The following ART3 variants were observed in gnomAD, a reference collection of about 807,000 sequenced individuals.
ART3 encodes the protein ecto-ADP-ribosyltransferase 3.
A neutral mutation model predicts 48.5 loss-of-function variants in ART3; 49 were observed. That is an observed-to-expected ratio of 1.01 (90% CI 0.80 to 1.28). The LOEUF (loss-of-function observed/expected upper bound fraction) is 1.28, where lower values mean the gene tolerates loss of function less well. ART3 is among the 50% of genes most tolerant of loss of function. ART3 has a pLI of 0.00. For synonymous variants in ART3, 145 were observed against 157.2 expected, an observed-to-expected ratio of 0.92 and a Z score of 0.58; for missense variants, 438 against 454.3, an observed-to-expected ratio of 0.96 and a Z score of 0.33.
In ART3 at chr4:76,082,206, A is replaced by G. The variant is rs2149557877; in HGVS notation, c.452A>G (p.Lys151Arg). The G allele has an allele frequency of 6.2e-7, 1 of 1,614,190 alleles. No homozygotes were observed. Among genetic ancestry groups the G allele is most frequent in the South Asian group, 1.1e-5 (1 of 91,082 alleles). Residue 151 changes from lysine to arginine, a missense_variant, in exon 3 of 12, where the codon AAA becomes AGA. Lys to Arg is a conservative substitution (Grantham distance 26). Around this residue, in one of 3 missense-constraint regions of ART3, gnomAD observed 206 missense variants for 205.3 expected, o/e 1.00. Coordinates refer to ENST00000355810, the MANE Select transcript of ART3 (RefSeq NM_001130016.3). ...ACAAGAGCCCTGCAGTTGCTGAGAA[A>G]ACCTTGTGAGGCCAGTTCCAAAACT... ...YLTRALQLLR[K>R]PCEASSKTVV...
intron 3 of ART3, among the ~76,000 whole-genome samples, chr4:76,084,719 G>A (rs1160549710): frequency 6.6e-6 from 1 of 152,204 alleles, no homozygotes; most frequent in Non-Finnish European, 1.5e-5. Flanking sequence ...TATGAAAGGT[G>A]GAATGACAGC....
intron 1 of ART3, among the ~76,000 whole-genome samples, chr4:76,033,235 G>A (rs558354186): frequency 8.5e-5 from 13 of 152,164 alleles, no homozygotes; most frequent in Non-Finnish European, 1.6e-4. Flanking sequence ...AGGGAACTAG[G>A]TGATAGGAAG....
At chr4:76,032,693 T>G (rs879489721) in intron 1 of ART3, among the ~76,000 whole-genome samples, 5 of 151,214 alleles carry the variant, frequency 3.3e-5, no homozygotes, top group Non-Finnish European at 5.9e-5. Flanking sequence ...CAAGCGATTC[T>G]CCTGCCTCAG....
At chr4:76,033,726 AT>A (rs1578249341) in intron 1 of ART3, 3 of 152,344 alleles carry the variant, frequency 2.0e-5, no homozygotes, top group East Asian at 1.9e-4. Flanking sequence ...AGAGAAAAAA[AT>A]GACTTTGATT....
chr4:76,089,620 C>T (rs1004783710), intron 3 of ART3, among the ~76,000 whole-genome samples: 20 of 152,240 alleles, frequency 1.3e-4, no homozygotes, highest in African/African-American at 4.8e-4. Context: ...TTATAAATTA[C>T]CCAGTCTCAG....
chr4:76,021,893 C>T lies in ART3; in HGVS notation c.-10+10573C>T, dbSNP rs542690649. The T allele has an allele frequency of 4.4e-6, 7 of 1,599,418 alleles. No homozygotes were observed. The South Asian group carries it at 4.4e-5, about 10-fold the overall frequency. On this transcript the variant is annotated intron_variant, in intron 1 of 9. Coordinates refer to the ART3 transcript ENST00000341029. ...AGAGGCAGCCTCTGTGTGGTCCATC[C>T]TTGGAAGCACTGCATCGATTTTGCT... is the stretch of plus-strand genomic sequence containing the variant.
chr4:76,107,528 T>C (rs1420250368), intron 10 of ART3: 1 of 330,218 alleles, frequency 3.0e-6, no homozygotes, highest in Non-Finnish European at 5.5e-6. Context: ...GTGAATAAAA[T>C]TTTAACTTTT....
rs1239978046 is a variant in ART3, at chr4:76,096,740, T to TA, written c.782-903dup. ...CTAGGGCATCACCAGTGAGAGCATC[T>TA]AGGGCCTTTCAAAAAGTACTGTCAG... is the stretch of plus-strand genomic sequence containing the variant. On this transcript the variant is annotated intron_variant, in intron 3 of 11. Transcript: ENST00000355810. Among the ~76,000 whole-genome samples, 3 of 152,348 alleles carry TA rather than the reference T, an allele frequency of 2.0e-5. No homozygotes were observed. The East Asian group carries it at 5.8e-4, about 29-fold the overall frequency.
exon 12 of ART3, chr4:76,112,785 GATATTTCAGAATTGCCAGTATGCTCA>G (rs1729724451): frequency 3.3e-6 from 1 of 306,406 alleles, no homozygotes; most frequent in Non-Finnish European, 5.9e-6. Flanking sequence ...ATTTTGATTA[GATATTTCAGAATTGCCAGTATGCTCA>G]ATACTGTTAG....
At chr4:76,074,349 G>A (rs1183771751), upstream of ART3, among the ~76,000 whole-genome samples, 1 of 152,226 alleles carries the variant, frequency 6.6e-6, no homozygotes, top group African/African-American at 2.4e-5. Context: ...AGCGAATGGT[G>A]ATAGCTGTCA....
intron 1 of ART3, chr4:76,034,732 G>T: frequency 8.0e-7 from 1 of 1,252,264 alleles, no homozygotes; most frequent in Non-Finnish European, 1.1e-6. Flanking sequence ...AGTAGTCACA[G>T]TTAAACTTGT....
At chr4:76,022,607 T>G in intron 1 of ART3, 2 of 1,447,518 alleles carry the variant, frequency 1.4e-6, no homozygotes, top group Non-Finnish European at 1.8e-6. Context: ...AACCCTTTAC[T>G]GATCTTTTTT....
intron 2 of ART3, 52 bp from the exon 3 acceptor site, chr4:76,081,772 A>G (rs1221608566): frequency 6.5e-7 from 1 of 1,530,176 alleles, no homozygotes; most frequent in Non-Finnish European, 8.9e-7. Context: ...AGAGAAAATG[A>G]TATTCACTGA....
intron 10 of ART3, chr4:76,105,876 TCA>T (rs1204602057): frequency 1.0e-6 from 1 of 985,286 alleles, no homozygotes; most frequent in Non-Finnish European, 1.2e-6. Flanking sequence ...AGAAATAGCA[TCA>T]TCCAAGAACT....
chr4:76,091,580 G>T (rs984088752), intron 3 of ART3, among the ~76,000 whole-genome samples: 1 of 151,280 alleles, frequency 6.6e-6, no homozygotes, highest in Non-Finnish European at 1.5e-5. Context: ...TTTTAATGAG[G>T]TTGTTTTCTT....
chr4:76,041,699 A>G (rs1013951224), intron 1 of ART3, among the ~76,000 whole-genome samples: 2 of 152,222 alleles, frequency 1.3e-5, no homozygotes, highest in Non-Finnish European at 2.9e-5. Flanking sequence ...CTTCAAATTG[A>G]ACTAGCTACA....
chr4:76,073,005 A>G (rs1720479674), upstream of ART3, among the ~76,000 whole-genome samples: 1 of 152,214 alleles, frequency 6.6e-6, no homozygotes, highest in Non-Finnish European at 1.5e-5. Flanking sequence ...TGCTACTTAT[A>G]AACAAAAGCC....
At chr4:76,060,621 T>G (rs1199517833) in intron 1 of ART3, among the ~76,000 whole-genome samples, 2 of 152,058 alleles carry the variant, frequency 1.3e-5, no homozygotes, top group Non-Finnish European at 2.9e-5. Flanking sequence ...ACTTATATTA[T>G]GGACCTCAAA....
chr4:76,053,676 C>T (rs1164469834), intron 1 of ART3, among the ~76,000 whole-genome samples: 2 of 152,166 alleles, frequency 1.3e-5, no homozygotes, highest in African/African-American at 2.4e-5. Context: ...AGGTAAAATT[C>T]AAAGTCGCAT....
Sources: allele counts gnomAD v4.1 joint callset (sites outside exome capture counted in the v4.1 genomes callset), GRCh38; gene constraint gnomAD v4.1.1; regional missense constraint gnomAD v4.1.1; transcripts MANE v1.5; gene names NCBI Gene and HGNC (gene_info 2026-07-23, HGNC 2026-07-21).